NLK: variants seen among roughly 807,000 people sequenced by gnomAD.
NLK encodes the protein nemo like kinase, also known as serine/threonine-protein kinase NLK.
A neutral mutation model predicts 59.0 loss-of-function variants in NLK; 11 were observed. The ratio of observed to expected loss-of-function variants is 0.19; its 90% CI spans 0.12 to 0.31. NLK has a LOEUF of 0.31. Ranked by LOEUF, NLK falls within the 10% of genes least tolerant of loss-of-function variation. The pLI is 1.00. For missense variants in NLK, 410 were observed against 661.1 expected (o/e 0.62, Z 4.16); for synonymous variants, 235 against 235.9 (o/e 1.00, Z 0.03).
intron 1 of NLK, among the ~76,000 whole-genome samples, chr17:28,080,960 GCTCA>G (rs1436869625): frequency 6.6e-6 from 1 of 151,814 alleles, no homozygotes; most frequent in African/African-American, 2.4e-5. Context: ...CCCATTCATG[GCTCA>G]CTGCAGCATC....
chr17:28,118,191 C>A (rs377680194), intron 1 of NLK, among the ~76,000 whole-genome samples: 2 of 152,020 alleles, frequency 1.3e-5, no homozygotes, highest in East Asian at 3.8e-4. Flanking sequence ...CGGCAATAAT[C>A]TAAATATTTA....
At chr17:28,185,042 G>A (rs1597727427) in intron 7 of NLK, 137 bp from the exon 8 acceptor site, 1 of 402,904 alleles carries the variant, frequency 2.5e-6, no homozygotes, top group East Asian at 3.6e-5. Flanking sequence ...GGTTACTGAA[G>A]GGAAAACTCA....
intron 1 of NLK, among the ~76,000 whole-genome samples, chr17:28,047,466 A>T (rs771974515): frequency 2.6e-5 from 4 of 152,224 alleles, no homozygotes; most frequent in African/African-American, 9.6e-5. Context: ...ACACATTTGT[A>T]TGGACTTTGT....
downstream of NLK, among the ~76,000 whole-genome samples, chr17:28,197,468 C>T (rs946776737): frequency 1.2e-5 from 1 of 84,644 alleles, no homozygotes; most frequent in African/African-American, 3.8e-5. Context: ...GATTCTGTCT[C>T]AAAAAAAAAA....
chr17:28,195,590 T>C lies in NLK; in HGVS notation c.*954T>C, dbSNP rs1909458918. On this transcript the variant is annotated 3_prime_UTR_variant, in exon 11 of 11. Coordinates refer to ENST00000407008, the MANE Select transcript of NLK (RefSeq NM_016231.5). The stretch of plus-strand genomic sequence containing the variant: ...AATTTAAGCCACAAAAAAAGGCACA[T>C]AGGGAATTATGTCAAATGTGTTTGT... 1 of 152,490 alleles carries C rather than the reference T, an allele frequency of 6.6e-6. No individual in the cohort carries two copies. The highest frequency in any genetic ancestry group is 2.4e-5 in the African/African-American group (1 of 41,410). The allele number at this position is 152,490 out of a possible 1,614,324, so 9.4% of individuals were successfully genotyped here.
At chr17:28,044,565 T>A (rs1228360971) in intron 1 of NLK, among the ~76,000 whole-genome samples, 3 of 152,230 alleles carry the variant, frequency 2.0e-5, no homozygotes, top group Non-Finnish European at 4.4e-5. Flanking sequence ...AGCGTGGTCC[T>A]TTCTTCAAGG....
rs145638221 is a variant in NLK at position 28,069,945 on chromosome 17, T to C, written c.458+26614T>C. Among the ~76,000 whole-genome samples the C allele has an allele frequency of 5.9e-5, 9 of 152,286 alleles. No homozygotes were observed. The East Asian group carries it at 1.7e-3, about 29-fold the overall frequency. ...ACATTTTTTGGTTCAGTATAAGAAA[T>C]CTTTGTCTAGCTGGGCATGGTGTTT... On this transcript the variant is annotated intron_variant, in intron 1 of 10. Transcript: ENST00000407008.
chr17:28,081,956 C>A (rs1910361370), intron 1 of NLK, among the ~76,000 whole-genome samples: 1 of 152,180 alleles, frequency 6.6e-6, no homozygotes, highest in Non-Finnish European at 1.5e-5. Context: ...TGCAGTGGAG[C>A]GATCTCGGAT....
At chr17:28,132,343 G>A (rs562277855) in intron 2 of NLK, among the ~76,000 whole-genome samples, 3 of 152,256 alleles carry the variant, frequency 2.0e-5, no homozygotes, top group Non-Finnish European at 2.9e-5. Context: ...GTTTAAAATA[G>A]GGTGTTTATT....
chr17:28,180,363 A>G (rs1908858722), intron 7 of NLK, among the ~76,000 whole-genome samples: 1 of 152,162 alleles, frequency 6.6e-6, no homozygotes, highest in South Asian at 2.1e-4. Context: ...TCACTGGCAT[A>G]TAGAACTACT....
At chr17:28,156,743 G>A (rs928195247) in intron 3 of NLK, among the ~76,000 whole-genome samples, 3 of 151,972 alleles carry the variant, frequency 2.0e-5, no homozygotes, top group Admixed American at 2.0e-4. Context: ...AAGTTTTTTG[G>A]GACATGAATA....
In NLK at chr17:28,075,884, G is replaced by C. The variant is rs942525153; in HGVS notation, c.458+32553G>C. 4.9e-4 allele frequency among the ~76,000 whole-genome samples: 74 copies of C among 152,120 alleles called. 1 individual carries two copies. Among genetic ancestry groups the C allele is most frequent in the African/African-American group, 1.7e-3 (70 of 41,484 alleles). Reference sequence around the variant, plus strand: ...GTCTTAGCTACCTCCCGTCTGTTTTGGAATGGGGTGGGATATAGATAAAAG... The same window carrying C: ...GTCTTAGCTACCTCCCGTCTGTTTTCGAATGGGGTGGGATATAGATAAAAG... On this transcript the variant is annotated intron_variant, in intron 1 of 10. Transcript: ENST00000407008.
downstream of NLK, among the ~76,000 whole-genome samples, chr17:28,199,867 A>C (rs1312859064): frequency 6.6e-6 from 1 of 152,146 alleles, no homozygotes; most frequent in Non-Finnish European, 1.5e-5. Context: ...AAGAAATCAC[A>C]ACATGATTTC....
intron 3 of NLK, among the ~76,000 whole-genome samples, chr17:28,150,426 A>T (rs1408351819): frequency 6.6e-6 from 1 of 152,196 alleles, no homozygotes; most frequent in African/African-American, 2.4e-5. Context: ...GGAGTCAGGA[A>T]ACCTGAGCTA....
chr17:28,075,329 T>C (rs1336965748), intron 1 of NLK, among the ~76,000 whole-genome samples: 1 of 152,236 alleles, frequency 6.6e-6, no homozygotes, highest in Non-Finnish European at 1.5e-5. Context: ...TGTTTGCAGT[T>C]GCCACAAATT....
chr17:28,045,412 T>C (rs2142728945), intron 1 of NLK, among the ~76,000 whole-genome samples: 1 of 152,358 alleles, frequency 6.6e-6, no homozygotes, highest in Middle Eastern at 3.4e-3. Flanking sequence ...TTCTGGAGGC[T>C]AGAAATCCAA....
intron 1 of NLK, among the ~76,000 whole-genome samples, chr17:28,106,091 T>C (rs1905070086): frequency 6.6e-6 from 1 of 152,234 alleles, no homozygotes; most frequent in Admixed American, 6.5e-5. Flanking sequence ...GCATCCAGAT[T>C]ATGGTTGGAG....
intron 2 of NLK, among the ~76,000 whole-genome samples, chr17:28,127,680 A>G (rs888667526): frequency 6.6e-6 from 1 of 152,246 alleles, no homozygotes; most frequent in Non-Finnish European, 1.5e-5. Flanking sequence ...ACATTTCAGT[A>G]TAATCTTAAT....
chr17:28,043,016 A>C lies in NLK; in HGVS notation c.143A>C (p.His48Pro). The C allele has an allele frequency of 6.4e-7, 1 of 1,554,788 alleles. No individual in the cohort carries two copies. Among genetic ancestry groups the C allele is most frequent in the Non-Finnish European group, 8.7e-7 (1 of 1,148,840 alleles). The change falls in exon 1 of 11, where the codon CAC (histidine) becomes CCC (proline). Residue 48 changes from histidine (H) to proline (P), a missense_variant. His to Pro is a moderately conservative substitution (Grantham distance 77). Around this residue, in one of 5 missense-constraint regions of NLK, gnomAD observed 160 missense variants for 171.0 expected, o/e 0.94. Coordinates refer to ENST00000407008, the MANE Select transcript of NLK (RefSeq NM_016231.5). ...LPPPHLHHHH[H>P]PQHHLHPGSA... The stretch of plus-strand genomic sequence containing the variant: ...CCTCCTCACCTGCACCACCACCACC[A>C]CCCTCAACACCATCTTCATCCGGGG...
Sources: allele counts gnomAD v4.1 joint callset (sites outside exome capture counted in the v4.1 genomes callset), GRCh38; gene constraint gnomAD v4.1.1; regional missense constraint gnomAD v4.1.1; transcripts MANE v1.5; gene names NCBI Gene and HGNC (gene_info 2026-07-23, HGNC 2026-07-21).